NKAIN3: variants seen among roughly 807,000 people sequenced by gnomAD.
NKAIN3 encodes sodium/potassium-transporting ATPase subunit beta-1-interacting protein 3.
In NKAIN3, 25 loss-of-function variants were observed where a neutral mutation model predicts 30.2. The ratio of observed to expected loss-of-function variants is 0.83; its 90% CI spans 0.60 to 1.16. NKAIN3 has a LOEUF of 1.16. NKAIN3 is among the 50% of genes most tolerant of loss of function. The pLI is 0.00. For synonymous variants in NKAIN3, 91 were observed against 89.6 expected (o/e 1.02, Z -0.09); for missense variants, 225 against 254.1 (o/e 0.89, Z 0.78).
At chr8:62,902,699 T>C (rs965243444) in intron 4 of NKAIN3, among the ~76,000 whole-genome samples, 1 of 152,208 alleles carries the variant, frequency 6.6e-6, no homozygotes, top group African/African-American at 2.4e-5. Context: ...GATGGAACTT[T>C]TCCTTGATAG....
chr8:62,759,887 C>T (rs1397752333), intron 4 of NKAIN3, among the ~76,000 whole-genome samples: 2 of 151,870 alleles, frequency 1.3e-5, no homozygotes, highest in African/African-American at 4.8e-5. Context: ...GGGCTGATAC[C>T]CAGAATCTAC....
chr8:62,876,786 G>A (rs1428206920), intron 4 of NKAIN3, among the ~76,000 whole-genome samples: 2 of 151,980 alleles, frequency 1.3e-5, no homozygotes, highest in Non-Finnish European at 2.9e-5. Context: ...ACACAGAGAG[G>A]GTAACAATAC....
chr8:62,983,263 C>T lies in NKAIN3; in HGVS notation c.*17856C>T, dbSNP rs1337212404. ...AAGCAAAAAAAACAGATTCTACCCACCGGGAGCTCCTAGTCCAGTGGTGAA... is the reference window on the plus strand; with the variant it reads ...AAGCAAAAAAAACAGATTCTACCCATCGGGAGCTCCTAGTCCAGTGGTGAA... On this transcript the variant is annotated 3_prime_UTR_variant, in exon 7 of 7. Transcript: ENST00000623646. The T allele has an allele frequency of 6.6e-6, 1 of 152,206 alleles. No individual in the cohort carries two copies. The highest frequency in any genetic ancestry group is 2.4e-5 in the African/African-American group (1 of 41,454). The allele number at this position is 152,206 out of a possible 1,614,324, so 9.4% of individuals were successfully genotyped here.
intron 1 of NKAIN3, among the ~76,000 whole-genome samples, chr8:62,298,986 C>A (rs1206694663): frequency 6.6e-6 from 1 of 151,716 alleles, no homozygotes; most frequent in East Asian, 1.9e-4. Context: ...TATCACAATA[C>A]AGCAGGTACT....
rs1407613909 is a variant in NKAIN3 at position 62,976,739 on chromosome 8, T to C, written c.*11332T>C. ...ATTCTGTCATTATGATGATAGCTGGTTATTTTGCCCATTAGTTGATGCAGC... is the reference window on the plus strand; with the variant it reads ...ATTCTGTCATTATGATGATAGCTGGCTATTTTGCCCATTAGTTGATGCAGC... On this transcript the variant is annotated 3_prime_UTR_variant, in exon 7 of 7. Transcript: ENST00000623646. 6.6e-6 allele frequency among the ~76,000 whole-genome samples: 1 copy of C among 152,218 alleles called. No individual in the cohort carries two copies. Among genetic ancestry groups the C allele is most frequent in the African/African-American group, 2.4e-5 (1 of 41,452 alleles).
At chr8:62,816,524 G>A (rs1410831981) in intron 4 of NKAIN3, among the ~76,000 whole-genome samples, 2 of 152,142 alleles carry the variant, frequency 1.3e-5, no homozygotes, top group Non-Finnish European at 2.9e-5. Flanking sequence ...TACCTCTGGA[G>A]GCAGTTTGGC....
intron 1 of NKAIN3, among the ~76,000 whole-genome samples, chr8:62,415,749 A>AATTATTATTATTATT (rs35191559): frequency 2.2e-4 from 33 of 148,694 alleles, no homozygotes; most frequent in African/African-American, 7.6e-4. Flanking sequence ...TTTTATTAAG[A>AATTATTATTATTATT]ATTATTATTA....
intron 3 of NKAIN3, among the ~76,000 whole-genome samples, chr8:62,640,433 C>T (rs1294158381): frequency 6.6e-6 from 1 of 152,010 alleles, no homozygotes; most frequent in Non-Finnish European, 1.5e-5. Flanking sequence ...TGAGGCCTCC[C>T]CAGGCATGAG....
intron 3 of NKAIN3, among the ~76,000 whole-genome samples, chr8:62,674,226 G>T (rs928709061): frequency 1.3e-5 from 2 of 152,170 alleles, no homozygotes; most frequent in Non-Finnish European, 2.9e-5. Context: ...AAATAAGTCG[G>T]ACTCTTGTGG....
intron 1 of NKAIN3, among the ~76,000 whole-genome samples, chr8:62,295,745 C>A (rs919712439): frequency 5.9e-5 from 9 of 152,040 alleles, no homozygotes. Context: ...AATAAAATTT[C>A]TCATAAGTGT....
intron 1 of NKAIN3, among the ~76,000 whole-genome samples, chr8:62,328,719 A>G (rs59691579): frequency 1.4e-3 from 207 of 152,248 alleles, no homozygotes; most frequent in African/African-American, 4.7e-3. Flanking sequence ...AGAACTTTGC[A>G]TAAATGTGTT....
intron 1 of NKAIN3, among the ~76,000 whole-genome samples, chr8:62,496,851 C>T (rs575504529): frequency 1.1e-4 from 17 of 152,214 alleles, no homozygotes; most frequent in African/African-American, 4.1e-4. Flanking sequence ...TGATTAGTTT[C>T]TTAGCAGGAA....
At chr8:62,627,151 T>C (rs993231762) in intron 3 of NKAIN3, among the ~76,000 whole-genome samples, 32 of 152,290 alleles carry the variant, frequency 2.1e-4, no homozygotes, top group African/African-American at 7.7e-4. Flanking sequence ...GTTCAAGTTG[T>C]GGCTCTAGCA....
intron 4 of NKAIN3, among the ~76,000 whole-genome samples, chr8:62,820,892 C>T (rs751779201): frequency 2.0e-5 from 3 of 152,126 alleles, no homozygotes; most frequent in Non-Finnish European, 2.9e-5. Flanking sequence ...TCTGAGTCTA[C>T]AAAGCCTTTA....
chr8:62,981,921 C>T lies in NKAIN3; in HGVS notation c.*16514C>T, dbSNP rs775775018. 2.0e-5 allele frequency: 3 copies of T among 151,966 alleles called. No homozygotes were observed. Among genetic ancestry groups the T allele is most frequent in the Admixed American group, 1.3e-4 (2 of 15,240 alleles). 9.4% of individuals were successfully genotyped at this position (151,966 alleles called of 1,614,324 possible). On this transcript the variant is annotated 3_prime_UTR_variant, in exon 7 of 7. Coordinates refer to ENST00000623646, the MANE Select transcript of NKAIN3 (RefSeq NM_001304533.3). ...TATTAACTCTTAACGATACACAGTT[C>T]GAATTATCTAAATGAAATAATTTTC...
At chr8:62,274,907 C>T (rs1812887297) in intron 1 of NKAIN3, among the ~76,000 whole-genome samples, 1 of 152,038 alleles carries the variant, frequency 6.6e-6, no homozygotes, top group East Asian at 1.9e-4. Context: ...CATCCATGTC[C>T]CTACAAAGGA....
At chr8:62,449,101 A>C (rs1805567345) in intron 1 of NKAIN3, among the ~76,000 whole-genome samples, 1 of 152,002 alleles carries the variant, frequency 6.6e-6, no homozygotes. Flanking sequence ...ATGCACCAGA[A>C]ATCTCAAAAT....
chr8:62,735,991 A>G (rs903972575), intron 3 of NKAIN3, among the ~76,000 whole-genome samples: 1 of 152,108 alleles, frequency 6.6e-6, no homozygotes, highest in African/African-American at 2.4e-5. Context: ...CCGTGATGTG[A>G]TTGGTCTTCA....
chr8:62,707,000 C>A (rs548224491), intron 3 of NKAIN3, among the ~76,000 whole-genome samples: 2 of 151,822 alleles, frequency 1.3e-5, no homozygotes, highest in Admixed American at 6.6e-5. Context: ...CAGGTCACTG[C>A]AAATGCTGTT....
Sources: allele counts gnomAD v4.1 joint callset (sites outside exome capture counted in the v4.1 genomes callset), GRCh38; gene constraint gnomAD v4.1.1; transcripts MANE v1.5; gene names NCBI Gene and HGNC (gene_info 2026-07-23, HGNC 2026-07-21).